The following NELL1 variants were observed in gnomAD, a reference collection of about 807,000 sequenced individuals.
The protein encoded by NELL1 is neural EGFL like 1.
NELL1 carries 76 observed loss-of-function variants against 107.4 expected under a neutral mutation model. The ratio of observed to expected loss-of-function variants is 0.71; its 90% CI spans 0.59 to 0.86. The LOEUF (loss-of-function observed/expected upper bound fraction) is 0.86, where lower values mean the gene tolerates loss of function less well. NELL1 is among the 40% of genes least tolerant of loss of function. The probability of loss-of-function intolerance (pLI) is 0.00; values close to 1 mark genes in which losing one functional copy is unlikely to be tolerated. For synonymous variants in NELL1, 353 were observed against 341.2 expected (o/e 1.03, Z -0.38); for missense variants, 1,024 against 1,005.5 (o/e 1.02, Z -0.25).
intron 2 of NELL1, among the ~76,000 whole-genome samples, chr11:20,765,658 T>A (rs527527037): frequency 1.3e-5 from 2 of 152,112 alleles, no homozygotes; most frequent in East Asian, 3.9e-4. Context: ...GCTTGTGTAT[T>A]AGTTGGTGGA....
intron 3 of NELL1, among the ~76,000 whole-genome samples, chr11:20,820,927 T>C (rs1207689881): frequency 6.6e-6 from 1 of 152,240 alleles, no homozygotes; most frequent in Non-Finnish European, 1.5e-5. Context: ...TTTCTTTCTC[T>C]TTTCTGTTAG....
At chr11:21,472,933 T>G (rs1854221238) in intron 15 of NELL1, among the ~76,000 whole-genome samples, 1 of 151,952 alleles carries the variant, frequency 6.6e-6, no homozygotes, top group Non-Finnish European at 1.5e-5. Context: ...AAAACATTAT[T>G]TAAAGTGCCC....
intron 2 of NELL1, among the ~76,000 whole-genome samples, chr11:20,741,353 A>G (rs889064927): frequency 1.3e-5 from 2 of 152,012 alleles, no homozygotes; most frequent in Admixed American, 1.3e-4. Flanking sequence ...CTTTTCTCCT[A>G]TCTCAACTTA....
chr11:20,700,615 C>T (rs771772894), intron 2 of NELL1, among the ~76,000 whole-genome samples: 30 of 152,030 alleles, frequency 2.0e-4, no homozygotes, highest in Non-Finnish European at 4.1e-4. Context: ...CCCATTAACT[C>T]GTCATTTACA....
intron 9 of NELL1, among the ~76,000 whole-genome samples, chr11:20,935,391 C>T (rs796444429): frequency 5.9e-5 from 9 of 152,140 alleles, no homozygotes; most frequent in East Asian, 1.9e-4. Flanking sequence ...GTGCTCTGCA[C>T]GTGTTTCTGA....
intron 5 of NELL1, among the ~76,000 whole-genome samples, chr11:20,911,085 GAAC>G (rs2134147932): frequency 6.6e-6 from 1 of 152,322 alleles, no homozygotes; most frequent in Admixed American, 6.5e-5. Context: ...AAGAGAGAGA[GAAC>G]AGTTCTTCCT....
At chr11:20,822,696 G>T (rs1184003921) in intron 3 of NELL1, among the ~76,000 whole-genome samples, 1 of 152,134 alleles carries the variant, frequency 6.6e-6, no homozygotes, top group African/African-American at 2.4e-5. Flanking sequence ...TTGAAGAGTG[G>T]GTATGATTTG....
intron 12 of NELL1, among the ~76,000 whole-genome samples, chr11:21,016,481 C>T (rs1852567480): frequency 1.3e-5 from 2 of 152,072 alleles, no homozygotes; most frequent in African/African-American, 4.8e-5. Context: ...TCCATTCTTA[C>T]CCACACGTAC....
intron 5 of NELL1, among the ~76,000 whole-genome samples, chr11:20,903,848 A>G (rs761136686): frequency 4.6e-5 from 7 of 152,166 alleles, no homozygotes; most frequent in Non-Finnish European, 8.8e-5. Context: ...TCAGAGGTTT[A>G]TAGCAACCGA....
chr11:20,676,244 A>C (rs1854053057), intron 1 of NELL1, among the ~76,000 whole-genome samples: 1 of 138,600 alleles, frequency 7.2e-6, no homozygotes, highest in African/African-American at 2.6e-5. Context: ...CCCCTTTCTA[A>C]AGTAGGACCC....
At chr11:21,270,478 A>G (rs922641121) in intron 14 of NELL1, among the ~76,000 whole-genome samples, 1 of 152,150 alleles carries the variant, frequency 6.6e-6, no homozygotes, top group Admixed American at 6.5e-5. Context: ...CTCCAAAAAG[A>G]TATACACAAT....
In NELL1 at chr11:20,947,410, G is replaced by T. The variant is rs61150458; in HGVS notation, c.1146G>T (p.Glu382Asp). Residue 382 changes from glutamate to aspartate, a missense_variant, in exon 11 of 20, where the codon GAG becomes GAT. Glu to Asp is a conservative substitution (Grantham distance 45). Coordinates refer to ENST00000357134, the MANE Select transcript of NELL1 (RefSeq NM_006157.5). ...CAGAAAAGGATCACATTCTTCCTGA[G>T]AATCAGTGCTGCCGTGTCTGTAGAG... The part of the protein sequence containing the change: ...NCSEKDHILP[E>D]NQCCRVCRGH... The T allele has an allele frequency of 8.1e-6, 13 of 1,614,040 alleles. No homozygotes were observed. Among genetic ancestry groups the T allele is most frequent in the Non-Finnish European group, 1.0e-5 (12 of 1,179,958 alleles).
chr11:20,797,523 G>T (rs1469040983), intron 3 of NELL1, among the ~76,000 whole-genome samples: 1 of 140,916 alleles, frequency 7.1e-6, no homozygotes, highest in Non-Finnish European at 1.5e-5. Flanking sequence ...CCGAGATCGC[G>T]GCACTGCACT....
chr11:20,712,750 G>A (rs542770317), intron 2 of NELL1, among the ~76,000 whole-genome samples: 8 of 152,240 alleles, frequency 5.3e-5, no homozygotes, highest in African/African-American at 1.4e-4. Flanking sequence ...ATTGCTCTTC[G>A]GGTTTTAGCC....
Position 21,113,862 on chromosome 11 carries a change from A to G in NELL1, c.1426+148A>G, listed in dbSNP as rs982119121. ...TACTTCACCCCACCTTTTGAGAAAA[A>G]AGCAATAATAAATAAATTATCTGCA... On this transcript the variant is annotated intron_variant, in intron 13 of 19. Transcript: ENST00000357134. The G allele has an allele frequency of 7.8e-5, 62 of 797,186 alleles. No homozygotes were observed. In the African/African-American group the frequency reaches 1.0e-3, roughly 13 times the overall value. The allele number at this position is 797,186 out of a possible 1,614,324, so 49.4% of individuals were successfully genotyped here. A position where few individuals can be genotyped will look rare whatever the true frequency, so the allele number is the denominator to read the frequency against.
chr11:20,799,031 A>T (rs2133999785), intron 3 of NELL1, among the ~76,000 whole-genome samples: 1 of 152,184 alleles, frequency 6.6e-6, no homozygotes. Context: ...AAACAGAGGG[A>T]TGAGGGATAG....
At chr11:20,959,268 A>G (rs926726747) in intron 11 of NELL1, among the ~76,000 whole-genome samples, 3 of 152,190 alleles carry the variant, frequency 2.0e-5, no homozygotes, top group African/African-American at 7.2e-5. Context: ...GAGATTCCTG[A>G]AAGAACTAAA....
intron 2 of NELL1, among the ~76,000 whole-genome samples, chr11:20,762,459 A>T (rs1856442250): frequency 6.6e-6 from 1 of 152,246 alleles, no homozygotes; most frequent in South Asian, 2.1e-4. Flanking sequence ...AGAAAAGCAA[A>T]GCTTCAAATC....
At chr11:21,416,322 A>C (rs937639901) in intron 15 of NELL1, among the ~76,000 whole-genome samples, 16 of 152,072 alleles carry the variant, frequency 1.1e-4, no homozygotes, top group Non-Finnish European at 1.9e-4. Flanking sequence ...TAATGCTGTA[A>C]CCTTGGGTGA....
Sources: allele counts gnomAD v4.1 joint callset (sites outside exome capture counted in the v4.1 genomes callset), GRCh38; gene constraint gnomAD v4.1.1; transcripts MANE v1.5; gene names NCBI Gene and HGNC (gene_info 2026-07-23, HGNC 2026-07-21).